CIT: variants seen among roughly 807,000 people sequenced by gnomAD.
The protein encoded by CIT is citron Rho-interacting kinase.
A neutral mutation model predicts 272.7 loss-of-function variants in CIT; 79 were observed. The observed-to-expected ratio is 0.29, with a 90% CI of 0.24 to 0.35. The LOEUF (loss-of-function observed/expected upper bound fraction) is 0.35, where lower values mean the gene tolerates loss of function less well. Among genes scored for constraint, CIT ranks in the 10% least tolerant of loss-of-function variants. The pLI is 1.00. For missense variants in CIT, 1,909 were observed against 2,618.3 expected (o/e 0.73, Z 5.91); for synonymous variants, 948 against 995.6 (o/e 0.95, Z 0.90).
At chr12:119,704,285 G>A (rs1956753853) in intron 41 of CIT, 78 bp downstream of exon 41, 11 of 1,354,558 alleles carry the variant, frequency 8.1e-6, no homozygotes, top group Non-Finnish European at 1.2e-5. Flanking sequence ...TCCCAGGACA[G>A]TGCACTTTCC....
intron 26 of CIT, among the ~76,000 whole-genome samples, chr12:119,733,124 G>A (rs1470490343): frequency 1.3e-5 from 2 of 152,170 alleles, no homozygotes; most frequent in African/African-American, 4.8e-5. Flanking sequence ...TGCCACTGTG[G>A]CCCCACAGGA....
At chr12:119,720,784 A>C (rs1306994835) in intron 29 of CIT, among the ~76,000 whole-genome samples, 199 bp from the exon 30 acceptor site, 6 of 152,224 alleles carry the variant, frequency 3.9e-5, no homozygotes, top group Non-Finnish European at 7.3e-5. Context: ...AAATATGTGA[A>C]AAAGTAAAAA....
At chr12:119,705,378 C>G (rs1479404008) in intron 40 of CIT, among the ~76,000 whole-genome samples, 3 of 152,074 alleles carry the variant, frequency 2.0e-5, no homozygotes, top group South Asian at 2.1e-4. Flanking sequence ...GCTTACTGCT[C>G]AAATTAGTCC....
At chr12:119,704,778 A>G (rs1956786522) in intron 40 of CIT, among the ~76,000 whole-genome samples, 1 of 152,198 alleles carries the variant, frequency 6.6e-6, no homozygotes, top group African/African-American at 2.4e-5. Context: ...GAGGCACCTG[A>G]CACCACACAC....
chr12:119,758,641 A>C lies in CIT; in HGVS notation c.2481T>G (p.Ser827=). ...TATTTGCTGCAAGTTTATTGGCTTC[A>C]GACAGTTCCACAATCCTCTGTTCCA... is the stretch of plus-strand genomic sequence containing the variant. ...RSLEQRIVEL[S]EANKLAANSS... is the part of the protein sequence containing the mutation. The change falls in exon 21 of 48, where the codon TCT becomes TCG. Residue 827 remains serine (S), a synonymous_variant. Coordinates refer to ENST00000392521, the MANE Select transcript of CIT (RefSeq NM_001206999.2). 1.2e-6 allele frequency: 2 copies of C among 1,614,074 alleles called. No individual in the cohort carries two copies.
At chr12:119,759,233 G>A (rs1436110806) in intron 20 of CIT, among the ~76,000 whole-genome samples, 2 of 152,196 alleles carry the variant, frequency 1.3e-5, no homozygotes, top group Non-Finnish European at 2.9e-5. Flanking sequence ...GCCAGCGAGC[G>A]AGCATTACTG....
intron 26 of CIT, among the ~76,000 whole-genome samples, chr12:119,733,935 A>C (rs1241542879): frequency 6.6e-6 from 1 of 152,142 alleles, no homozygotes; most frequent in Non-Finnish European, 1.5e-5. Context: ...TGGGGAAAAC[A>C]GATACCAGTC....
intron 22 of CIT, among the ~76,000 whole-genome samples, chr12:119,753,269 C>A (rs1960486291): frequency 6.6e-6 from 1 of 152,160 alleles, no homozygotes; most frequent in Non-Finnish European, 1.5e-5. Context: ...AGGAGACCTC[C>A]AACCCAGCTT....
intron 21 of CIT, among the ~76,000 whole-genome samples, chr12:119,757,871 G>C (rs896639906): frequency 3.3e-5 from 5 of 151,918 alleles, no homozygotes; most frequent in African/African-American, 1.2e-4. Flanking sequence ...GGACAGAAGG[G>C]GGCCTCCTTA....
chr12:119,719,912 T>G (rs1957739835), intron 30 of CIT, among the ~76,000 whole-genome samples: 1 of 152,208 alleles, frequency 6.6e-6, no homozygotes, highest in East Asian at 1.9e-4. Flanking sequence ...CCCTAGTTTG[T>G]AATTTGTCTC....
chr12:119,784,291 T>C lies in CIT; in HGVS notation c.1402-240A>G, dbSNP rs1964563261. The stretch of plus-strand genomic sequence containing the variant: ...GTCCCGGTTCACACTTGATCACTTC[T>C]CTAACCCAGTTAGCAAGGAAGCCAC... On this transcript the variant is annotated intron_variant, in intron 11 of 47. Transcript: ENST00000392521. The surrounding 1 kb of genome is among the most constrained non-coding windows in gnomAD (Gnocchi z 4.7). The C allele has an allele frequency of 6.5e-7, 1 of 1,538,844 alleles. No homozygotes were observed. Among genetic ancestry groups the C allele is most frequent in the African/African-American group, 1.4e-5 (1 of 73,328 alleles).
In CIT at chr12:119,718,230, A is replaced by G. The variant is rs1957636137; in HGVS notation, c.4168+15T>C. 3.1e-6 allele frequency: 5 copies of G among 1,591,920 alleles called. No homozygotes were observed. The highest frequency in any genetic ancestry group is 1.3e-5 in the African/African-American group (1 of 74,114). On this transcript the variant is annotated intron_variant, in intron 32 of 47. Coordinates refer to ENST00000392521, the MANE Select transcript of CIT (RefSeq NM_001206999.2). This position sits in a 1 kb window ranked among gnomAD's most constrained non-coding sequence, Gnocchi z 4.8. ...TTAGTCGACTAAAAGAAATTTCCAT[A>G]CAACTCCAACGTACCCTCTGGAGTT...
chr12:119,697,898 T>C lies in CIT; in HGVS notation c.5703-60A>G. On this transcript the variant is annotated intron_variant, in intron 45 of 47. Coordinates refer to ENST00000392521, the MANE Select transcript of CIT (RefSeq NM_001206999.2). The surrounding 1 kb of genome is among the most constrained non-coding windows in gnomAD (Gnocchi z 4.9). ...CAGGCTACCTCCATTGCTAGGCAAG[T>C]TAGGAAGGAACATGCGGCCGGCCCC... 1 of 1,612,848 alleles carries C rather than the reference T, an allele frequency of 6.2e-7. No homozygotes were observed. Among genetic ancestry groups the C allele is most frequent in the Non-Finnish European group, 8.5e-7 (1 of 1,179,038 alleles).
intron 2 of CIT, among the ~76,000 whole-genome samples, chr12:119,874,271 C>A (rs1053219836): frequency 1.3e-5 from 2 of 152,034 alleles, no homozygotes; most frequent in African/African-American, 4.8e-5. Flanking sequence ...AGGGTTTCAC[C>A]ACGTTGTCCA....
intron 24 of CIT, among the ~76,000 whole-genome samples, chr12:119,740,507 A>G (rs914325548): frequency 2.0e-5 from 3 of 152,120 alleles, no homozygotes; most frequent in Non-Finnish European, 2.9e-5. Flanking sequence ...GCATCAGATT[A>G]TAGTACACCA....
At chr12:119,702,043 A>T in intron 41 of CIT, 85 bp from the exon 42 acceptor site, 1 of 957,998 alleles carries the variant, frequency 1.0e-6, no homozygotes, top group Non-Finnish European at 1.7e-6. Flanking sequence ...TGCCTACAGC[A>T]TCTAGCCAAG....
In CIT at chr12:119,765,618, G is replaced by A. The variant is rs769888488; in HGVS notation, c.2304+1469C>T. Among the ~76,000 whole-genome samples, 4 of 151,154 alleles carry A rather than the reference G, an allele frequency of 2.6e-5. No homozygotes were observed. The East Asian group carries it at 5.9e-4, about 22-fold the overall frequency. On this transcript the variant is annotated intron_variant, in intron 19 of 47. Transcript: ENST00000392521. ...CCTGAGTAGCTGAGACAACAGGTGC[G>A]TGCCACCACACCCAGCTAATTTTTG... is the stretch of plus-strand genomic sequence containing the variant.
At position 119,782,340 on chromosome 12, in the gene CIT, T is replaced by C. The variant is rs533491535; in HGVS notation, c.1665+178A>G. 1.9e-5 allele frequency: 11 copies of C among 590,990 alleles called. No homozygotes were observed. In the South Asian group the frequency reaches 2.5e-4, roughly 13 times the overall value. 36.6% of individuals were successfully genotyped at this position (590,990 alleles called of 1,614,324 possible). On this transcript the variant is annotated intron_variant, in intron 13 of 47. Transcript: ENST00000392521. Reference sequence around the variant, plus strand: ...GCTGGAACAAGCATTCTATGATGTATATAAATTATGAGAAATCTGAAGTTT... The same window carrying C: ...GCTGGAACAAGCATTCTATGATGTACATAAATTATGAGAAATCTGAAGTTT...
intron 46 of CIT, among the ~76,000 whole-genome samples, chr12:119,691,765 CAG>C (rs1955963358): frequency 6.6e-6 from 1 of 152,212 alleles, no homozygotes; most frequent in Non-Finnish European, 1.5e-5. Context: ...CCTACAAACA[CAG>C]AGAGAACTGA....
Sources: allele counts gnomAD v4.1 joint callset (sites outside exome capture counted in the v4.1 genomes callset), GRCh38; gene constraint gnomAD v4.1.1; non-coding constraint Gnocchi (gnomAD v3.1); transcripts MANE v1.5; gene names NCBI Gene and HGNC (gene_info 2026-07-23, HGNC 2026-07-21).